Variants in TBC1D22A observed in about 807,000 individuals in gnomAD.
The protein encoded by TBC1D22A is TBC1 domain family member 22A, also known as putative GTPase activator.
TBC1D22A carries 38 observed loss-of-function variants against 60.2 expected under a neutral mutation model. The observed-to-expected ratio is 0.63, with a 90% confidence interval of 0.49 to 0.83. The LOEUF is 0.83. TBC1D22A is among the 40% of genes least tolerant of loss of function. The pLI is 0.00. For missense variants in TBC1D22A, 628 were observed against 701.0 expected (o/e 0.90, Z 1.18); for synonymous variants, 302 against 281.7 (o/e 1.07, Z -0.72).
intron 4 of TBC1D22A, among the ~76,000 whole-genome samples, chr22:46,808,993 G>A (rs886681281): frequency 6.6e-6 from 1 of 152,222 alleles, no homozygotes; most frequent in Non-Finnish European, 1.5e-5. Context: ...GTTCAAGTTT[G>A]CTTAAAATCC....
chr22:47,000,061 T>G (rs1354154500), intron 10 of TBC1D22A, among the ~76,000 whole-genome samples: 1 of 152,192 alleles, frequency 6.6e-6, no homozygotes, highest in Non-Finnish European at 1.5e-5. Flanking sequence ...TTTTCTGCGT[T>G]TTAGGAGAAG....
intron 11 of TBC1D22A, among the ~76,000 whole-genome samples, chr22:47,065,040 G>A (rs1170596982): frequency 6.6e-6 from 1 of 152,194 alleles, no homozygotes; most frequent in Non-Finnish European, 1.5e-5. Context: ...CTGGAGTGCA[G>A]TGGCACGATC....
At chr22:47,111,235 GAGA>G (rs1356580447) in intron 11 of TBC1D22A, among the ~76,000 whole-genome samples, 1 of 152,266 alleles carries the variant, frequency 6.6e-6, no homozygotes, top group Non-Finnish European at 1.5e-5. Flanking sequence ...CTGCGCAAGA[GAGA>G]AGAATGAACA....
chr22:47,091,654 G>T (rs978134364), intron 11 of TBC1D22A, among the ~76,000 whole-genome samples: 3 of 152,126 alleles, frequency 2.0e-5, no homozygotes, highest in African/African-American at 7.2e-5. Context: ...TGTGCACCTG[G>T]CAGGCTGCTT....
Position 47,157,590 on chromosome 22 carries a change from G to A in TBC1D22A, c.1426-15908G>A, listed in dbSNP as rs563298232. Among the ~76,000 whole-genome samples the A allele has an allele frequency of 3.9e-5, 6 of 152,336 alleles. No homozygotes were observed. The South Asian group carries it at 6.2e-4, about 16-fold the overall frequency. ...TGCGCTGTGGTGGCCCTTCCCACAC[G>A]TGCGTCCCATGGCTCCTCGCTTCAG... On this transcript the variant is annotated intron_variant, in intron 12 of 12. Transcript: ENST00000337137.
chr22:46,904,142 T>TCTATCTGCCTACCTAC (rs57116517), intron 7 of TBC1D22A, among the ~76,000 whole-genome samples: 11,716 of 134,474 alleles, frequency 0.087, 620 homozygotes, highest in South Asian at 0.11. Flanking sequence ...TATCTATCTA[T>TCTATCTGCCTACCTAC]CTACCTACCT....
In TBC1D22A at chr22:46,912,169, C is replaced by G. The variant is rs764033398; in HGVS notation, c.996C>G (p.Val332=). 1.9e-6 allele frequency: 3 copies of G among 1,613,254 alleles called. No individual in the cohort carries two copies. The highest frequency in any genetic ancestry group is 1.7e-6 in the Non-Finnish European group (2 of 1,179,594). Residue 332 remains valine, a synonymous_variant, in exon 8 of 13, where the codon GTC becomes GTG. Coordinates refer to ENST00000337137, the MANE Select transcript of TBC1D22A (RefSeq NM_014346.5). The part of the protein sequence containing the change: ...INDLVTPFFV[V]FICEYIEAEE... ...ATCTCGTCACTCCTTTCTTTGTGGTCTTCATTTGTGAATACATAGGTAAGA... is the reference window on the plus strand; with the variant it reads ...ATCTCGTCACTCCTTTCTTTGTGGTGTTCATTTGTGAATACATAGGTAAGA...
At chr22:46,900,746 A>G (rs2068947022) in intron 7 of TBC1D22A, among the ~76,000 whole-genome samples, 1 of 152,180 alleles carries the variant, frequency 6.6e-6, no homozygotes, top group African/African-American at 2.4e-5. Flanking sequence ...CCTGCTGAGT[A>G]GTGTTCCCGT....
chr22:46,781,949 G>A (rs2083958649), intron 1 of TBC1D22A, among the ~76,000 whole-genome samples: 1 of 152,226 alleles, frequency 6.6e-6, no homozygotes, highest in Admixed American at 6.5e-5. Flanking sequence ...AAGTTTGGGG[G>A]CGATGAAATC....
chr22:46,985,805 A>G (rs568294555), intron 9 of TBC1D22A, among the ~76,000 whole-genome samples: 1 of 152,320 alleles, frequency 6.6e-6, no homozygotes, highest in African/African-American at 2.4e-5. Context: ...CGTTCCCCAC[A>G]GGGTCTTCAT....
Position 47,046,330 on chromosome 22 carries a change from T to C in TBC1D22A, c.1329+9132T>C, listed in dbSNP as rs2063032161. Among the ~76,000 whole-genome samples the C allele has an allele frequency of 3.9e-5, 6 of 152,178 alleles. No homozygotes were observed. The South Asian group carries it at 1.2e-3, about 32-fold the overall frequency. On this transcript the variant is annotated intron_variant, in intron 11 of 12. Transcript: ENST00000337137. Reference sequence around the variant, plus strand: ...GCTGCTTTGCCCTCGTGGGGGCATCTGTAGGTCCTGTCGCTTCCCTAGAGG... The same window carrying C: ...GCTGCTTTGCCCTCGTGGGGGCATCCGTAGGTCCTGTCGCTTCCCTAGAGG...
intron 7 of TBC1D22A, among the ~76,000 whole-genome samples, chr22:46,895,099 T>C (rs1026318514): frequency 1.2e-4 from 18 of 152,190 alleles, no homozygotes; most frequent in African/African-American, 4.3e-4. Context: ...TATGCACTCA[T>C]GTTCCACCAC....
At chr22:47,123,757 T>C (rs1176899784) in intron 12 of TBC1D22A, among the ~76,000 whole-genome samples, 1 of 152,146 alleles carries the variant, frequency 6.6e-6, no homozygotes, top group East Asian at 1.9e-4. Flanking sequence ...AAAGACAAAA[T>C]TGGGTCAATT....
At chr22:46,780,716 C>G (rs886981983) in intron 1 of TBC1D22A, among the ~76,000 whole-genome samples, 2 of 152,202 alleles carry the variant, frequency 1.3e-5, no homozygotes, top group Non-Finnish European at 2.9e-5. Flanking sequence ...CTCGCTTGTT[C>G]ACTGTCAGCT....
rs112290696 is a variant in TBC1D22A, at chr22:47,171,997, G to A, written c.1426-1501G>A. 6.7e-3 allele frequency among the ~76,000 whole-genome samples: 938 copies of A among 139,016 alleles called. 16 individuals carry two copies. Among genetic ancestry groups the A allele is most frequent in the African/African-American group, 0.025 (845 of 33,226 alleles). The allele number at this position is 139,016 out of a possible 152,430, so 91.2% of individuals were successfully genotyped here. On this transcript the variant is annotated intron_variant, in intron 12 of 12. Coordinates refer to ENST00000337137, the MANE Select transcript of TBC1D22A (RefSeq NM_014346.5). ...CCCAACGCACCTGCCCAGTGCGCCC[G>A]GTGAGCCCAGTGTGCCTACCCAGCA...
intron 8 of TBC1D22A, among the ~76,000 whole-genome samples, chr22:46,952,520 G>GT (rs1220914688): frequency 2.0e-5 from 3 of 152,196 alleles, no homozygotes; most frequent in African/African-American, 7.2e-5. Flanking sequence ...GTTTTTATCA[G>GT]TTTTGGGTGT....
intron 10 of TBC1D22A, among the ~76,000 whole-genome samples, chr22:47,023,804 G>A (rs1335566849): frequency 6.6e-6 from 1 of 152,178 alleles, no homozygotes; most frequent in East Asian, 1.9e-4. Flanking sequence ...AAAGGAATTC[G>A]ACACCAGGAG....
At chr22:47,019,906 T>G (rs2010515) in intron 10 of TBC1D22A, among the ~76,000 whole-genome samples, 1 of 86,028 alleles carries the variant, frequency 1.2e-5, no homozygotes. Flanking sequence ...CTCCCTTAAC[T>G]CTCCATCCTC....
Position 47,040,993 on chromosome 22 carries a change from C to T in TBC1D22A, c.1329+3795C>T, listed in dbSNP as rs567312792. 6.5e-4 allele frequency among the ~76,000 whole-genome samples: 99 copies of T among 152,296 alleles called. 1 individual carries two copies. Among genetic ancestry groups the T allele is most frequent in the African/African-American group, 2.3e-3 (94 of 41,558 alleles). On this transcript the variant is annotated intron_variant, in intron 11 of 12. Coordinates refer to ENST00000337137, the MANE Select transcript of TBC1D22A (RefSeq NM_014346.5). Reference sequence around the variant, plus strand: ...GGTTACTTACGCTGCTTTAGAATGGCTCCTCACACACATCCTGTGCAGGTG... The same window carrying T: ...GGTTACTTACGCTGCTTTAGAATGGTTCCTCACACACATCCTGTGCAGGTG...
Sources: allele counts gnomAD v4.1 joint callset (sites outside exome capture counted in the v4.1 genomes callset), GRCh38; gene constraint gnomAD v4.1.1; transcripts MANE v1.5; gene names NCBI Gene and HGNC (gene_info 2026-07-23, HGNC 2026-07-21).